ACTR1A: variants seen among roughly 807,000 people sequenced by gnomAD.
The protein encoded by ACTR1A is actin related protein 1A.
ACTR1A carries 10 observed loss-of-function variants against 50.7 expected under a neutral mutation model. The observed-to-expected ratio is 0.20, with a 90% confidence interval of 0.12 to 0.33. The LOEUF (loss-of-function observed/expected upper bound fraction) is 0.33, where lower values mean the gene tolerates loss of function less well. Ranked by LOEUF, ACTR1A falls within the 10% of genes least tolerant of loss-of-function variation. The probability of loss-of-function intolerance (pLI) is 1.00; values close to 1 mark genes in which losing one functional copy is unlikely to be tolerated. For missense variants in ACTR1A, 253 were observed against 491.7 expected, an observed-to-expected ratio of 0.51 and a Z score of 4.59; for synonymous variants, 177 against 184.2, an observed-to-expected ratio of 0.96 and a Z score of 0.32.
chr10:102,484,066 G>A lies in ACTR1A; in HGVS notation c.657+94C>T, dbSNP rs550508462. 56 of 1,232,554 alleles carry A rather than the reference G, an allele frequency of 4.5e-5. No homozygotes were observed. The African/African-American group carries it at 6.2e-4, about 14-fold the overall frequency. The allele number at this position is 1,232,554 out of a possible 1,614,324, so 76.4% of individuals were successfully genotyped here. On this transcript the variant is annotated intron_variant, in intron 6 of 10. Coordinates refer to ENST00000369905, the MANE Select transcript of ACTR1A (RefSeq NM_005736.4). ...GGCCTCACCAGGGACCCCCAGGCAG[G>A]TGCTTTGCCTGGCTTCACTGGCAGG...
At chr10:102,490,972 G>A (rs1249293658) in intron 1 of ACTR1A, among the ~76,000 whole-genome samples, 1 of 151,652 alleles carries the variant, frequency 6.6e-6, no homozygotes, top group East Asian at 1.9e-4. Context: ...CAGCCTGGGT[G>A]ACAGACTCTG....
chr10:102,485,854 C>A, intron 4 of ACTR1A, 121 bp from the exon 5 acceptor site: 1 of 1,372,694 alleles, frequency 7.3e-7, no homozygotes, highest in Non-Finnish European at 1.0e-6. Flanking sequence ...AGCCTCACTC[C>A]AAAAAAAGGC....
chr10:102,495,152 C>T (rs774589931), intron 1 of ACTR1A, among the ~76,000 whole-genome samples: 16 of 152,060 alleles, frequency 1.1e-4, no homozygotes, highest in Non-Finnish European at 2.1e-4. Flanking sequence ...TGGTGCGGGT[C>T]CATAGTCCTT....
At chr10:102,485,830 C>A in intron 4 of ACTR1A, 97 bp from the exon 5 acceptor site, 1 of 1,546,050 alleles carries the variant, frequency 6.5e-7, no homozygotes, top group Non-Finnish European at 8.8e-7. Context: ...TTTGAGAGCC[C>A]GGGGACTTCA....
At chr10:102,484,605 G>A (rs111292580) in intron 5 of ACTR1A, among the ~76,000 whole-genome samples, 90 of 152,298 alleles carry the variant, frequency 5.9e-4, no homozygotes, top group Non-Finnish European at 4.7e-4. Context: ...ACCCAGAAGA[G>A]CAGGCCTTCC....
At position 102,482,135 on chromosome 10, in the gene ACTR1A, C is replaced by T; in HGVS notation, c.791G>A (p.Arg264Lys). The T allele has an allele frequency of 6.2e-7, 1 of 1,614,016 alleles. No homozygotes were observed. Among genetic ancestry groups the T allele is most frequent in the Non-Finnish European group, 8.5e-7 (1 of 1,180,034 alleles). ...ACTCTCCTCTCCAATCAAATCTGGC[C>T]TGAAGAGCAACTCAGGGGCCCGGAA... is the stretch of plus-strand genomic sequence containing the variant. ...SRFRAPELLF[R>K]PDLIGEESEG... Residue 264 changes from arginine to lysine, a missense_variant, in exon 8 of 11, where the codon AGG becomes AAG. Transcript: ENST00000369905. This position sits in a 1 kb window ranked among gnomAD's most constrained non-coding sequence, Gnocchi z 5.6.
Position 102,479,521 on chromosome 10 carries a change from C to T in ACTR1A, c.*1342G>A, listed in dbSNP as rs1564646766. 1.0e-6 allele frequency: 1 copy of T among 958,264 alleles called. No homozygotes were observed. Among genetic ancestry groups the T allele is most frequent in the African/African-American group, 1.7e-5 (1 of 58,620 alleles). 59.4% of individuals were successfully genotyped at this position (958,264 alleles called of 1,614,324 possible). A position where few individuals can be genotyped will look rare whatever the true frequency, so the allele number is the denominator to read the frequency against. ...GGGTGCCGGTGAAGACAGGCTGGCC[C>T]CAGCTTTGCACCATCTAGGCTGAAG... On this transcript the variant is annotated 3_prime_UTR_variant, in exon 11 of 11. Transcript: ENST00000369905. The surrounding 1 kb of genome is among the most constrained non-coding windows in gnomAD (Gnocchi z 4.0).
At chr10:102,486,072 T>A (rs932893030) in intron 4 of ACTR1A, among the ~76,000 whole-genome samples, 3 of 152,246 alleles carry the variant, frequency 2.0e-5, no homozygotes, top group African/African-American at 7.2e-5. Context: ...GCAGACCAGT[T>A]CTAGTCTGTG....
Position 102,484,390 on chromosome 10 carries a change from G to T in ACTR1A, c.441-14C>A. ...CCTGTAGCGTAACTGAAGCAAAGGG[G>T]CAAACCGTCACTCAGCACTGCCTCC... On this transcript the variant is annotated splice_polypyrimidine_tract_variant and intron_variant, in intron 5 of 10. Coordinates refer to ENST00000369905, the MANE Select transcript of ACTR1A (RefSeq NM_005736.4). 1 of 1,606,576 alleles carries T rather than the reference G, an allele frequency of 6.2e-7. No individual in the cohort carries two copies. The highest frequency in any genetic ancestry group is 8.5e-7 in the Non-Finnish European group (1 of 1,173,386).
intron 6 of ACTR1A, 155 bp from the exon 7 acceptor site, chr10:102,483,258 G>T: frequency 1.5e-6 from 1 of 658,868 alleles, no homozygotes. Context: ...GGGGCAGTGA[G>T]GTCTCTGTTG....
chr10:102,501,546 C>CT (rs2062251635), intron 1 of ACTR1A, among the ~76,000 whole-genome samples: 1 of 152,190 alleles, frequency 6.6e-6, no homozygotes, highest in African/African-American at 2.4e-5. Flanking sequence ...CAATTTTCTC[C>CT]TTTCCCCCCA....
At chr10:102,485,853 C>A in intron 4 of ACTR1A, 120 bp from the exon 5 acceptor site, 1 of 1,423,548 alleles carries the variant, frequency 7.0e-7, no homozygotes, top group Non-Finnish European at 9.6e-7. Flanking sequence ...CAGCCTCACT[C>A]CAAAAAAAGG....
intron 5 of ACTR1A, among the ~76,000 whole-genome samples, chr10:102,485,259 G>A (rs1244741442): frequency 6.6e-6 from 1 of 152,176 alleles, no homozygotes; most frequent in Non-Finnish European, 1.5e-5. Flanking sequence ...AGAGCAGCTG[G>A]CCACAGTAAG....
chr10:102,485,674 G>T lies in ACTR1A; in HGVS notation c.375C>A (p.Ala125=). The T allele has an allele frequency of 6.8e-6, 11 of 1,614,090 alleles. No individual in the cohort carries two copies. Among genetic ancestry groups the T allele is most frequent in the Non-Finnish European group, 9.3e-6 (11 of 1,180,024 alleles). The change falls in exon 5 of 11, where the codon GCC becomes GCA. Residue 125 remains alanine, a synonymous_variant. Transcript: ENST00000369905. ...CATTGAAGGTCTCGAAGAAAACTTC[G>T]GCAGCTCGTTCCCGGTTTTTTCGTG... ...LNPRKNRERA[A]EVFFETFNVP...
intron 5 of ACTR1A, among the ~76,000 whole-genome samples, 158 bp downstream of exon 5, chr10:102,485,449 TCA>T (rs1407985628): frequency 6.6e-6 from 1 of 152,204 alleles, no homozygotes; most frequent in African/African-American, 2.4e-5. Flanking sequence ...GCCTCAGTGC[TCA>T]GTTTCAGCAA....
At position 102,482,604 on chromosome 10, in the gene ACTR1A, G is replaced by T. The variant is rs1049307809; in HGVS notation, c.750+407C>A. ...CTCCCCTCTAGCGGGAGGGAGCAAA[G>T]TTCTGGCTGCCTCCTCTGCAGGAGA... On this transcript the variant is annotated intron_variant, in intron 7 of 10. Transcript: ENST00000369905. This position sits in a 1 kb window ranked among gnomAD's most constrained non-coding sequence, Gnocchi z 5.6. The T allele has an allele frequency of 6.7e-5, 18 of 268,496 alleles. No individual in the cohort carries two copies. The highest frequency in any genetic ancestry group is 2.5e-4 in the Admixed American group (5 of 20,018). 16.6% of individuals were successfully genotyped at this position (268,496 alleles called of 1,614,324 possible). A position where few individuals can be genotyped will look rare whatever the true frequency, so the allele number is the denominator to read the frequency against.
chr10:102,493,269 G>A (rs1035372586), intron 1 of ACTR1A, among the ~76,000 whole-genome samples: 1 of 152,146 alleles, frequency 6.6e-6, no homozygotes, highest in Non-Finnish European at 1.5e-5. Flanking sequence ...GGACAGGCAA[G>A]GGGGGAACTC....
intron 1 of ACTR1A, among the ~76,000 whole-genome samples, chr10:102,493,880 A>G (rs1442339613): frequency 1.3e-5 from 2 of 152,238 alleles, no homozygotes; most frequent in African/African-American, 4.8e-5. Context: ...CAGAAGCCCC[A>G]GGCAGAGGCG....
Position 102,481,214 on chromosome 10 carries a change from T to C in ACTR1A, c.988-42A>G, listed in dbSNP as rs1363873087. 4 of 1,540,562 alleles carry C rather than the reference T, an allele frequency of 2.6e-6. No individual in the cohort carries two copies. The East Asian group carries it at 9.1e-5, about 35-fold the overall frequency. On this transcript the variant is annotated intron_variant, in intron 9 of 10. Coordinates refer to ENST00000369905, the MANE Select transcript of ACTR1A (RefSeq NM_005736.4). The stretch of plus-strand genomic sequence containing the variant: ...AAGAGGAATCTGAGACTTCCAGCCC[T>C]CCCGCTCCCTTTCCCTACAATGCTC...
Sources: gnomAD v4.1 joint callset for allele counts (sites outside exome capture counted in the v4.1 genomes callset) on GRCh38, gnomAD v4.1.1 for gene constraint, Gnocchi (gnomAD v3.1) non-coding constraint, MANE v1.5 for transcripts, NCBI Gene and HGNC (gene_info 2026-07-23, HGNC 2026-07-21) for gene names.